The following SEC13 variants were observed in gnomAD, a reference collection of about 807,000 sequenced individuals.
SEC13 encodes the protein protein SEC13 homolog.
SEC13 carries 25 observed loss-of-function variants against 49.2 expected under a neutral mutation model. That is an observed-to-expected ratio of 0.51 (90% confidence interval 0.37 to 0.71). The LOEUF (loss-of-function observed/expected upper bound fraction) is 0.71. SEC13 is among the 30% of genes least tolerant of loss of function. SEC13 has a pLI of 0.00. For missense variants in SEC13, 383 were observed against 417.6 expected, an observed-to-expected ratio of 0.92 and a Z score of 0.72; for synonymous variants, 148 against 163.9, an observed-to-expected ratio of 0.90 and a Z score of 0.74.
chr3:10,304,190 A>G lies in SEC13; in HGVS notation c.709-18T>C. ...CGACCATCCTAGGAAGAAACAGGAT[A>G]GAGTCAGGAGGTGGAGTCAAGACTC... is the stretch of plus-strand genomic sequence containing the variant. On this transcript the variant is annotated intron_variant, in intron 7 of 8. Coordinates refer to ENST00000350697, the MANE Select transcript of SEC13 (RefSeq NM_183352.3). 2.5e-6 allele frequency: 4 copies of G among 1,613,140 alleles called. No individual in the cohort carries two copies. Among genetic ancestry groups the G allele is most frequent in the Non-Finnish European group, 3.4e-6 (4 of 1,179,436 alleles).
chr3:10,307,356 G>A (rs1371751752), intron 5 of SEC13, among the ~76,000 whole-genome samples: 1 of 152,026 alleles, frequency 6.6e-6, no homozygotes. Flanking sequence ...CTGCAGGTGT[G>A]TGCCACCACG....
chr3:10,302,517 A>C (rs1700601708), intron 8 of SEC13, among the ~76,000 whole-genome samples: 1 of 152,236 alleles, frequency 6.6e-6, no homozygotes, highest in Non-Finnish European at 1.5e-5. Flanking sequence ...GCACTTGCTT[A>C]CAGCCTTGTA....
chr3:10,304,350 TAA>T (rs1329797691), intron 7 of SEC13, among the ~76,000 whole-genome samples, 178 bp from the exon 8 acceptor site: 2 of 152,116 alleles, frequency 1.3e-5, no homozygotes, highest in African/African-American at 4.8e-5. Flanking sequence ...TCACACTGGT[TAA>T]GAGTCTCCCG....
At chr3:10,304,228 T>C in intron 7 of SEC13, 56 bp from the exon 8 acceptor site, 1 of 1,587,696 alleles carries the variant, frequency 6.3e-7, no homozygotes, top group Non-Finnish European at 8.6e-7. Flanking sequence ...GCGTTTGTGA[T>C]GTGATGTCCT....
At chr3:10,307,343 G>C (rs969021818) in intron 5 of SEC13, among the ~76,000 whole-genome samples, 7 of 152,036 alleles carry the variant, frequency 4.6e-5, no homozygotes, top group Middle Eastern at 3.4e-3. Flanking sequence ...CGTGTAGCTG[G>C]GACTGCAGGT....
At chr3:10,315,297 T>C in intron 3 of SEC13, 24 bp downstream of exon 3, 1 of 1,551,368 alleles carries the variant, frequency 6.4e-7, no homozygotes, top group Non-Finnish European at 8.9e-7. Flanking sequence ...CCTGGAGCCC[T>C]TCCCTGGGCT....
intron 1 of SEC13, among the ~76,000 whole-genome samples, chr3:10,318,629 A>G (rs528237576): frequency 1.5e-4 from 23 of 152,286 alleles, no homozygotes; most frequent in Non-Finnish European, 2.9e-4. Flanking sequence ...CAGTTTATGC[A>G]TAACGGGGTT....
intron 3 of SEC13, among the ~76,000 whole-genome samples, chr3:10,314,655 C>A (rs912264411): frequency 6.6e-6 from 1 of 152,114 alleles, no homozygotes; most frequent in African/African-American, 2.4e-5. Context: ...CCCACAAATA[C>A]GTGAAAGGCA....
intron 7 of SEC13, 152 bp from the exon 8 acceptor site, chr3:10,304,324 C>CTTTG (rs1024346917): frequency 1.5e-6 from 1 of 688,292 alleles, no homozygotes; most frequent in Non-Finnish European, 2.5e-6. Context: ...GCGTCCACAG[C>CTTTG]TTTGTTTCTG....
At position 10,304,056 on chromosome 3, in the gene SEC13, G is replaced by T. The variant is rs757363368; in HGVS notation, c.825C>A (p.Asn275Lys). 289 of 1,614,068 alleles carry T rather than the reference G, an allele frequency of 1.8e-4. No homozygotes were observed. The highest frequency in any genetic ancestry group is 2.4e-4 in the Non-Finnish European group (283 of 1,180,044). The change falls in exon 8 of 9, where the codon AAC becomes AAA. Residue 275 changes from asparagine to lysine, a missense_variant. Asn to Lys is a moderately conservative substitution (Grantham distance 94). Coordinates refer to ENST00000350697, the MANE Select transcript of SEC13 (RefSeq NM_183352.3). ...VWHVSWSITA[N>K]ILAVSGGDNK... The stretch of plus-strand genomic sequence containing the variant: ...TGTCTCCACCAGAGACAGCCAGGAT[G>T]TTGGCTGTGATGGACCAGCTCACAT...
intron 7 of SEC13, among the ~76,000 whole-genome samples, chr3:10,304,463 G>C (rs1041660715): frequency 6.6e-6 from 1 of 152,114 alleles, no homozygotes; most frequent in African/African-American, 2.4e-5. Context: ...CACTTCCACT[G>C]GCCGTCTATA....
chr3:10,304,808 C>G (rs1402920931), intron 7 of SEC13, among the ~76,000 whole-genome samples: 2 of 152,204 alleles, frequency 1.3e-5, no homozygotes, highest in East Asian at 3.8e-4. Context: ...CCGCCTCCTT[C>G]TTGGTGCCGG....
At chr3:10,303,926 C>T in intron 8 of SEC13, 100 bp downstream of exon 8, 1 of 1,354,978 alleles carries the variant, frequency 7.4e-7, no homozygotes, top group Non-Finnish European at 1.0e-6. Flanking sequence ...AAGGCTCCTG[C>T]CCAGCCTGCA....
intron 3 of SEC13, 88 bp downstream of exon 3, chr3:10,315,233 G>T (rs1701527155): frequency 2.1e-6 from 2 of 946,412 alleles, no homozygotes; most frequent in Non-Finnish European, 1.7e-6. Flanking sequence ...TCTGAATCTG[G>T]GCTCCCATGC....
chr3:10,316,339 T>C (rs1014621472), intron 2 of SEC13, among the ~76,000 whole-genome samples: 2 of 152,146 alleles, frequency 1.3e-5, no homozygotes, highest in African/African-American at 4.8e-5. Context: ...CAGGGGCAAT[T>C]ATGCCCATTC....
chr3:10,307,688 C>T (rs564883068), intron 5 of SEC13, among the ~76,000 whole-genome samples: 23 of 152,332 alleles, frequency 1.5e-4, no homozygotes, highest in African/African-American at 5.3e-4. Context: ...TCAACTCCCA[C>T]TGGTTACCCC....
At chr3:10,315,218 G>T (rs1173571682) in intron 3 of SEC13, 103 bp downstream of exon 3, 6 of 818,884 alleles carry the variant, frequency 7.3e-6, no homozygotes, top group Admixed American at 6.8e-5. Flanking sequence ...GTGCTTTGGG[G>T]TTGCTCTGAA....
chr3:10,309,487 C>T (rs1701112996), intron 5 of SEC13, among the ~76,000 whole-genome samples: 2 of 151,890 alleles, frequency 1.3e-5, no homozygotes, highest in South Asian at 4.1e-4. Flanking sequence ...CTGCTGTGTT[C>T]ATCGACACTT....
chr3:10,312,558 C>T, intron 4 of SEC13, 21 bp downstream of exon 4: 1 of 1,613,446 alleles, frequency 6.2e-7, no homozygotes, highest in Non-Finnish European at 8.5e-7. Flanking sequence ...CTTGCCCGCT[C>T]TGCTGCCAAG....
Sources: allele counts gnomAD v4.1 joint callset (sites outside exome capture counted in the v4.1 genomes callset), GRCh38; gene constraint gnomAD v4.1.1; transcripts MANE v1.5; gene names NCBI Gene and HGNC (gene_info 2026-07-23, HGNC 2026-07-21).